The following DRC3 variants were observed in gnomAD, a reference collection of about 807,000 sequenced individuals.
The protein encoded by DRC3 is leucine rich repeat containing 48.
A neutral mutation model predicts 57.6 loss-of-function variants in DRC3; 45 were observed. The ratio of observed to expected loss-of-function variants is 0.78; its 90% CI spans 0.62 to 1.00. DRC3 has a LOEUF of 1.00. DRC3 is among the 50% of genes least tolerant of loss of function. The pLI, the probability that DRC3 is intolerant of heterozygous loss-of-function variation, is 0.00. For synonymous variants in DRC3, 257 were observed against 272.3 expected (o/e 0.94, Z 0.55); for missense variants, 655 against 675.2 (o/e 0.97, Z 0.33).
chr17:18,007,794 C>T, intron 12 of DRC3: 1 of 1,077,972 alleles, frequency 9.3e-7, no homozygotes. Flanking sequence ...ACTATGTTGT[C>T]AGGGCCTGCT....
rs1412753969 is a variant in DRC3 at position 18,016,120 on chromosome 17, C to T, written c.1383C>T (p.His461=). The change falls in exon 13 of 14, where the codon CAC becomes CAT. Residue 461 remains histidine, a synonymous_variant. Transcript: ENST00000399187. ...CTGTCGGGGCATCGCACGACATCCACCTCCTGAAGATTGACAATCGAGAAG... is the reference window on the plus strand; with the variant it reads ...CTGTCGGGGCATCGCACGACATCCATCTCCTGAAGATTGACAATCGAGAAG... The part of the protein sequence containing the change: ...VNAVGASHDI[H]LLKIDNREDE... 3 of 1,613,802 alleles carry T rather than the reference C, an allele frequency of 1.9e-6. No individual in the cohort carries two copies. Among genetic ancestry groups the T allele is most frequent in the African/African-American group, 2.7e-5 (2 of 74,920 alleles).
chr17:17,976,284 G>A (rs913323254), intron 2 of DRC3, among the ~76,000 whole-genome samples: 4 of 152,200 alleles, frequency 2.6e-5, no homozygotes, highest in East Asian at 1.9e-4. Flanking sequence ...GTCCAGCCAC[G>A]AACGGCAGCC....
intron 9 of DRC3, among the ~76,000 whole-genome samples, chr17:18,002,437 A>G (rs1357528872): frequency 6.6e-6 from 1 of 152,204 alleles, no homozygotes; most frequent in Non-Finnish European, 1.5e-5. Context: ...TTTGCTAGTA[A>G]GCAGCTGGTA....
intron 8 of DRC3, among the ~76,000 whole-genome samples, chr17:17,996,045 C>T (rs1042296167): frequency 6.6e-5 from 10 of 152,268 alleles, no homozygotes; most frequent in African/African-American, 1.7e-4. Flanking sequence ...TTTGAGACAG[C>T]GTTGCGCTGT....
Position 17,992,817 on chromosome 17 carries a change from A to G in DRC3, c.497A>G (p.Asn166Ser). The G allele has an allele frequency of 1.2e-6, 2 of 1,613,720 alleles. No homozygotes were observed. Among genetic ancestry groups the G allele is most frequent in the Non-Finnish European group, 1.7e-6 (2 of 1,179,812 alleles). The change falls in exon 6 of 14, where the codon AAC becomes AGC. Residue 166 changes from asparagine (N) to serine (S), a missense_variant. Physicochemically the swap from Asn to Ser is conservative, Grantham distance 46 (BLOSUM62 1). Coordinates refer to ENST00000399187, the MANE Select transcript of DRC3 (RefSeq NM_031294.4). ...KCLRTLSLSR[N>S]PISEAEDYKM... ...CTGCGGACGCTCAGCCTCTCTAGGA[A>G]CCCTATCTCTGAGGCAGAGGATTAC... is the stretch of plus-strand genomic sequence containing the variant.
intron 2 of DRC3, among the ~76,000 whole-genome samples, chr17:17,974,170 T>C (rs1259649516): frequency 6.6e-6 from 1 of 152,254 alleles, no homozygotes; most frequent in Non-Finnish European, 1.5e-5. Flanking sequence ...GGCATGTTAA[T>C]TAACCTTTTT....
intron 2 of DRC3, among the ~76,000 whole-genome samples, 178 bp downstream of exon 2, chr17:17,974,140 G>A (rs543102639): frequency 5.3e-5 from 8 of 152,358 alleles, no homozygotes; most frequent in African/African-American, 1.4e-4. Flanking sequence ...ACTCTGCCAC[G>A]TGCTAAGTGT....
intron 6 of DRC3, 199 bp downstream of exon 6, chr17:17,993,110 G>C (rs1297114721): frequency 1.7e-6 from 1 of 577,904 alleles, no homozygotes; most frequent in African/African-American, 1.9e-5. Flanking sequence ...TTTTGTGTGC[G>C]TTCCCAGGGG....
intron 9 of DRC3, among the ~76,000 whole-genome samples, chr17:17,998,324 A>G (rs2043548438): frequency 6.6e-6 from 1 of 152,342 alleles, no homozygotes; most frequent in East Asian, 1.9e-4. Context: ...GTCAGGACTC[A>G]GCCTAACCAG....
At chr17:17,980,829 G>A (rs1214660049) in intron 3 of DRC3, among the ~76,000 whole-genome samples, 1 of 152,066 alleles carries the variant, frequency 6.6e-6, no homozygotes. Context: ...TCTTGACCTC[G>A]TGATCTGCCC....
chr17:17,983,869 A>G lies in DRC3; in HGVS notation c.202A>G (p.Arg68Gly). The G allele has an allele frequency of 6.2e-7, 1 of 1,613,630 alleles. No individual in the cohort carries two copies. Among genetic ancestry groups the G allele is most frequent in the South Asian group, 1.1e-5 (1 of 91,074 alleles). The change falls in exon 4 of 14, where the codon AGG becomes GGG. Residue 68 changes from arginine to glycine, a missense_variant. By Grantham distance (125) the Arg-to-Gly change is moderately radical. Transcript: ENST00000399187. ...CAACCTCTGGCAGTTTGAGAACTTGAGGAAGCTGCAGCTGGACAATAACAT... is the reference window on the plus strand; with the variant it reads ...CAACCTCTGGCAGTTTGAGAACTTGGGGAAGCTGCAGCTGGACAATAACAT... ...IDNLWQFENL[R>G]KLQLDNNIIE...
chr17:17,992,320 T>C (rs2043269952), intron 5 of DRC3, among the ~76,000 whole-genome samples: 1 of 152,136 alleles, frequency 6.6e-6, no homozygotes, highest in African/African-American at 2.4e-5. Context: ...AAAAAATAAA[T>C]AGAAGGGTAT....
chr17:18,007,269 G>A (rs1183129333), intron 12 of DRC3, 122 bp downstream of exon 12: 4 of 1,015,140 alleles, frequency 3.9e-6, no homozygotes, highest in Non-Finnish European at 5.9e-6. Flanking sequence ...ATCTGCAAAA[G>A]GGCACACTAA....
intron 5 of DRC3, among the ~76,000 whole-genome samples, chr17:17,991,486 C>T (rs1014077804): frequency 8.6e-5 from 13 of 151,106 alleles, no homozygotes; most frequent in East Asian, 3.9e-4. Context: ...TTAGTAGAGA[C>T]GGGGTTTCAC....
chr17:18,012,703 G>C (rs934546440), intron 12 of DRC3, among the ~76,000 whole-genome samples: 2 of 151,776 alleles, frequency 1.3e-5, no homozygotes, highest in Admixed American at 1.3e-4. Context: ...AAAAAGACCT[G>C]AAACTATAAA....
intron 3 of DRC3, among the ~76,000 whole-genome samples, chr17:17,983,204 A>G (rs2042794029): frequency 6.6e-6 from 1 of 152,178 alleles, no homozygotes; most frequent in Non-Finnish European, 1.5e-5. Context: ...TGCATGGATG[A>G]CTTATCTCAT....
At chr17:18,007,627 C>A in intron 12 of DRC3, 1 of 1,407,566 alleles carries the variant, frequency 7.1e-7, no homozygotes, top group Admixed American at 2.8e-5. Flanking sequence ...CAGGGTCGGC[C>A]TGAGGAACCT....
Position 18,016,587 on chromosome 17 carries a change from C to T in DRC3, c.1488C>T (p.Arg496=), listed in dbSNP as rs1448480682. The stretch of plus-strand genomic sequence containing the variant: ...ACAAGGATGAGATCATGAGGAACCG[C>T]AAGCGCGTGAAGGAGATCAATCAGT... The part of the protein sequence containing the change: ...RIHKDEIMRN[R]KRVKEINQYI... Residue 496 remains arginine, a synonymous_variant, in exon 14 of 14, where the codon CGC becomes CGT. Transcript: ENST00000399187. 3 of 1,613,686 alleles carry T rather than the reference C, an allele frequency of 1.9e-6. No individual in the cohort carries two copies. The highest frequency in any genetic ancestry group is 2.2e-5 in the East Asian group (1 of 44,884).
intron 4 of DRC3, 75 bp downstream of exon 4, chr17:17,984,019 C>T (rs1303839489): frequency 1.1e-6 from 1 of 937,452 alleles, no homozygotes; most frequent in Admixed American, 2.0e-5. Context: ...TCCCAGGAGA[C>T]AATAATTGTG....
Sources: allele counts gnomAD v4.1 joint callset (sites outside exome capture counted in the v4.1 genomes callset), GRCh38; gene constraint gnomAD v4.1.1; transcripts MANE v1.5; gene names NCBI Gene and HGNC (gene_info 2026-07-23, HGNC 2026-07-21).